Variants in YWHAZ observed in about 807,000 individuals in gnomAD.
YWHAZ encodes the protein 14-3-3 protein zeta/delta.
For synonymous variants in YWHAZ, 87 were observed against 103.6 expected (o/e 0.84, Z 0.97); for missense variants, 79 against 284.8 (o/e 0.28, Z 5.20).
intron 2 of YWHAZ, among the ~76,000 whole-genome samples, chr8:100,937,614 G>A (rs1314059558): frequency 1.3e-5 from 2 of 152,178 alleles, no homozygotes; most frequent in African/African-American, 4.8e-5. Flanking sequence ...ATGTGAGTGG[G>A]AGAAAGATCA....
intron 2 of YWHAZ, among the ~76,000 whole-genome samples, chr8:100,947,839 A>C (rs1000317265): frequency 2.6e-5 from 4 of 152,242 alleles, no homozygotes; most frequent in African/African-American, 7.2e-5. Flanking sequence ...ATATTATTCC[A>C]AAAACTGCCA....
intron 2 of YWHAZ, among the ~76,000 whole-genome samples, chr8:100,936,069 T>C (rs985249041): frequency 3.3e-5 from 5 of 152,188 alleles, no homozygotes; most frequent in East Asian, 3.8e-4. Context: ...TCCTGAAGAA[T>C]AGCCAACCTG....
At chr8:100,946,307 G>A (rs1810261687) in intron 2 of YWHAZ, among the ~76,000 whole-genome samples, 1 of 152,332 alleles carries the variant, frequency 6.6e-6, no homozygotes, top group South Asian at 2.1e-4. Context: ...GGGAGGCCAA[G>A]GCGAGTGGAT....
chr8:100,925,963 A>G (rs572588709), intron 2 of YWHAZ, among the ~76,000 whole-genome samples: 1 of 152,096 alleles, frequency 6.6e-6, no homozygotes, highest in African/African-American at 2.4e-5. Context: ...CATTCTCACT[A>G]CCCCACTTCC....
At chr8:100,946,975 C>T (rs1810331778) in intron 2 of YWHAZ, among the ~76,000 whole-genome samples, 1 of 151,366 alleles carries the variant, frequency 6.6e-6, no homozygotes, top group Non-Finnish European at 1.5e-5. Flanking sequence ...AATATTTGGC[C>T]GGGCGCGGTG....
intron 2 of YWHAZ, among the ~76,000 whole-genome samples, chr8:100,937,100 T>C (rs1394643695): frequency 6.6e-6 from 1 of 152,250 alleles, no homozygotes; most frequent in East Asian, 1.9e-4. Flanking sequence ...TTCCTGATTT[T>C]AATAATTATA....
intron 2 of YWHAZ, among the ~76,000 whole-genome samples, chr8:100,935,291 C>T (rs1334152996): frequency 1.3e-5 from 2 of 152,186 alleles, no homozygotes; most frequent in African/African-American, 4.8e-5. Flanking sequence ...ATAATATACG[C>T]ATAACTGTAA....
rs565067759 is a variant in YWHAZ at position 100,925,164 on chromosome 8, C to T, written c.295-125G>A. 3.9e-5 allele frequency: 39 copies of T among 1,004,188 alleles called. No homozygotes were observed. The African/African-American group carries it at 4.6e-4, about 12-fold the overall frequency. 62.2% of individuals were successfully genotyped at this position (1,004,188 alleles called of 1,614,324 possible). On this transcript the variant is annotated intron_variant, in intron 2 of 5. Coordinates refer to ENST00000395958, the MANE Select transcript of YWHAZ (RefSeq NM_145690.3). Reference sequence around the variant, plus strand: ...CTTAAACACCCAGTCACTGTCAATACAATTGTGAATGCAGCTGGCACATGA... The same window carrying T: ...CTTAAACACCCAGTCACTGTCAATATAATTGTGAATGCAGCTGGCACATGA...
At chr8:100,943,290 A>C (rs1268004532) in intron 2 of YWHAZ, among the ~76,000 whole-genome samples, 1 of 152,226 alleles carries the variant, frequency 6.6e-6, no homozygotes, top group East Asian at 1.9e-4. Flanking sequence ...ACTAGAATGA[A>C]ATCACAATAG....
chr8:100,952,803 G>A (rs1810898928), upstream of YWHAZ: 1 of 1,000,016 alleles, frequency 1.0e-6, no homozygotes, highest in Non-Finnish European at 1.2e-6. Flanking sequence ...TGGGCCGACC[G>A]GGGCGCGCGG....
intron 2 of YWHAZ, among the ~76,000 whole-genome samples, chr8:100,927,478 T>A (rs1041141463): frequency 2.0e-5 from 3 of 152,160 alleles, no homozygotes; most frequent in African/African-American, 7.2e-5. Flanking sequence ...GATCTGTAAT[T>A]GAATTATACC....
chr8:100,943,973 C>G (rs1218149629), intron 2 of YWHAZ, among the ~76,000 whole-genome samples: 3 of 121,302 alleles, frequency 2.5e-5, no homozygotes, highest in Non-Finnish European at 4.9e-5. Context: ...GGCGACAGAG[C>G]AAGACTCCGT....
chr8:100,920,837 A>C lies in YWHAZ; in HGVS notation c.679-85T>G, dbSNP rs1474160554. 3 of 1,063,812 alleles carry C rather than the reference A, an allele frequency of 2.8e-6. No homozygotes were observed. In the East Asian group the frequency reaches 7.3e-5, roughly 26 times the overall value. The allele number at this position is 1,063,812 out of a possible 1,614,324, so 65.9% of individuals were successfully genotyped here. Reference sequence around the variant, plus strand: ...TTTCATATAAGTGCCAAGATACCTGAATGTTTTAGTTGGAAAGCATTCTTA... The same window carrying C: ...TTTCATATAAGTGCCAAGATACCTGCATGTTTTAGTTGGAAAGCATTCTTA... On this transcript the variant is annotated intron_variant, in intron 5 of 5. Transcript: ENST00000395958.
intron 2 of YWHAZ, among the ~76,000 whole-genome samples, chr8:100,933,031 G>A (rs1325713563): frequency 6.6e-6 from 1 of 152,122 alleles, no homozygotes; most frequent in Non-Finnish European, 1.5e-5. Flanking sequence ...TCAACAAAGT[G>A]ATAAGAATCA....
rs1157234892 is a variant in YWHAZ, at chr8:100,952,020, C to T, written c.-103G>A. 5 of 995,714 alleles carry T rather than the reference C, an allele frequency of 5.0e-6. No individual in the cohort carries two copies. Among genetic ancestry groups the T allele is most frequent in the Middle Eastern group, 1.0e-3 (2 of 1,968 alleles). The allele number at this position is 995,714 out of a possible 1,614,324, so 61.7% of individuals were successfully genotyped here. On this transcript the variant is annotated 5_prime_UTR_variant, in exon 1 of 6. Transcript: ENST00000395958. ...AGCAGCGGCGAGGCTGAGACTCTGT[C>T]CCTGGATCTCGCTGCTCACAGGCTA...
At chr8:100,921,464 T>C (rs996517581) in intron 5 of YWHAZ, among the ~76,000 whole-genome samples, 1 of 152,192 alleles carries the variant, frequency 6.6e-6, no homozygotes, top group Non-Finnish European at 1.5e-5. Context: ...GAGCTAGGGT[T>C]GACTACTCTC....
upstream of YWHAZ, chr8:100,953,099 A>AG (rs373013667): frequency 1.5e-3 from 1,477 of 990,370 alleles, 15 homozygotes; most frequent in African/African-American, 0.019. Flanking sequence ...CAGAGTTCCG[A>AG]GGGGAAAGGA....
intron 2 of YWHAZ, among the ~76,000 whole-genome samples, chr8:100,934,157 CAAAAAAAAAAAAAA>C (rs35069019): frequency 2.3e-3 from 183 of 78,208 alleles, no homozygotes; most frequent in Non-Finnish European, 3.2e-3. Flanking sequence ...AGACTCGTCT[CAAAAAAAAAAAAAA>C]AAAAAAAAAA....
At chr8:100,927,923 T>A (rs1178906498) in intron 2 of YWHAZ, among the ~76,000 whole-genome samples, 1 of 152,200 alleles carries the variant, frequency 6.6e-6, no homozygotes, top group Non-Finnish European at 1.5e-5. Flanking sequence ...CTTACTGGCC[T>A]AATGATAGAC....
Sources: allele counts gnomAD v4.1 joint callset (sites outside exome capture counted in the v4.1 genomes callset), GRCh38; gene constraint gnomAD v4.1.1; transcripts MANE v1.5; gene names NCBI Gene and HGNC (gene_info 2026-07-23, HGNC 2026-07-21).